The following ZNF469 variants were observed in gnomAD, a reference collection of about 807,000 sequenced individuals.
ZNF469 encodes the protein zinc finger protein 469.
Under a neutral mutation model 1.0 loss-of-function variants are expected in ZNF469, and 1 was observed. That is an observed-to-expected ratio of 1.00 (90% CI 0.35 to 4.73). The LOEUF (loss-of-function observed/expected upper bound fraction) is 4.73, where lower values mean the gene tolerates loss of function less well. Among genes scored for constraint, ZNF469 ranks in the 30% most tolerant of loss-of-function variants. ZNF469 has a pLI of 0.16. For missense variants in ZNF469, 6,100 were observed against 5,356.3 expected (o/e 1.14, Z -4.33); for synonymous variants, 2,703 against 2,363.4 (o/e 1.14, Z -4.17).
the ZNF469 span, among the ~76,000 whole-genome samples, chr16:88,133,042 G>A: frequency 9.8e-5 from 15 of 152,316 alleles, 1 homozygote; most frequent in Admixed American, 8.5e-4. Flanking sequence ...CCCATGGGAG[G>A]GTCACCACAC....
At chr16:88,295,661 A>G in the ZNF469 span, among the ~76,000 whole-genome samples, 36 of 152,102 alleles carry the variant, frequency 2.4e-4, no homozygotes, top group African/African-American at 7.2e-4. Context: ...TACGGCCTAC[A>G]CTCGGTGCAC....
the ZNF469 span, among the ~76,000 whole-genome samples, chr16:88,160,659 T>A: frequency 1.3e-5 from 2 of 152,064 alleles, no homozygotes; most frequent in African/African-American, 4.8e-5. Flanking sequence ...GAACAAGGGG[T>A]TGGGGCACCA....
At position 88,438,283 on chromosome 16, in the gene ZNF469, G is replaced by A; in HGVS notation, c.10813G>A (p.Gly3605Arg). The change falls in exon 3 of 3, where the codon GGA (glycine) becomes AGA (arginine). Residue 3605 changes from glycine (G) to arginine (R), a missense_variant. Coordinates refer to ENST00000565624, the MANE Select transcript of ZNF469 (RefSeq NM_001367624.2). ...TCTGGGGGCATCTCTGCCGCGGCCG[G>A]GAGCCAGAGGCCAAGATGCGGAGGG... ...LPLGASLPRP[G>R]ARGQDAEGKR... 1.3e-6 allele frequency: 2 copies of A among 1,548,278 alleles called. No homozygotes were observed. The highest frequency in any genetic ancestry group is 1.7e-6 in the Non-Finnish European group (2 of 1,145,388).
chr16:88,165,009 C>T, the ZNF469 span, among the ~76,000 whole-genome samples: 1 of 152,300 alleles, frequency 6.6e-6, no homozygotes, highest in Non-Finnish European at 1.5e-5. Context: ...GTCTTTTATC[C>T]CCCCACAGGT....
At chr16:88,382,434 G>C (rs2092527606), upstream of ZNF469, among the ~76,000 whole-genome samples, 1 of 152,254 alleles carries the variant, frequency 6.6e-6, no homozygotes, top group African/African-American at 2.4e-5. Context: ...CCCAGGGCTG[G>C]ACAAGGGACC....
chr16:88,405,397 C>T (rs186041385), intron 1 of ZNF469, among the ~76,000 whole-genome samples: 27 of 152,314 alleles, frequency 1.8e-4, no homozygotes, highest in African/African-American at 6.0e-4. Flanking sequence ...CACATGGGCC[C>T]GTGGTGCCTC....
chr16:88,279,694 G>A, the ZNF469 span, among the ~76,000 whole-genome samples: 5 of 141,222 alleles, frequency 3.5e-5, no homozygotes, highest in Non-Finnish European at 4.6e-5. Context: ...ACTGACACTC[G>A]GTCAGTACCT....
the ZNF469 span, chr16:88,234,818 G>A: frequency 3.9e-5 from 6 of 152,246 alleles, no homozygotes; most frequent in Admixed American, 2.6e-4. Context: ...GTTCCCATCA[G>A]ATAAAGCCTG....
chr16:88,321,344 G>C, the ZNF469 span, among the ~76,000 whole-genome samples: 1 of 152,260 alleles, frequency 6.6e-6, no homozygotes, highest in Non-Finnish European at 1.5e-5. Context: ...GTAAGGCCTT[G>C]CCTGATTGGA....
At chr16:88,320,985 C>CATT in the ZNF469 span, among the ~76,000 whole-genome samples, 1 of 152,190 alleles carries the variant, frequency 6.6e-6, no homozygotes, top group African/African-American at 2.4e-5. Context: ...GATGAACAGG[C>CATT]GAATGAGACA....
chr16:88,348,275 A>G, the ZNF469 span, among the ~76,000 whole-genome samples: 1 of 151,914 alleles, frequency 6.6e-6, no homozygotes, highest in African/African-American at 2.4e-5. Context: ...TTGTGGCCAC[A>G]TTGCTGCTGT....
chr16:88,333,733 C>T, the ZNF469 span, among the ~76,000 whole-genome samples: 3 of 133,090 alleles, frequency 2.3e-5, no homozygotes, highest in Admixed American at 8.1e-5. Flanking sequence ...TGCGGGCCCG[C>T]GAGGTGGGGC....
chr16:88,343,242 C>G, the ZNF469 span, among the ~76,000 whole-genome samples: 3 of 152,152 alleles, frequency 2.0e-5, no homozygotes, highest in Non-Finnish European at 2.9e-5. Flanking sequence ...GAGATGGCAT[C>G]CGGTGACAAA....
chr16:88,288,183 C>T, the ZNF469 span, among the ~76,000 whole-genome samples: 1 of 152,096 alleles, frequency 6.6e-6, no homozygotes, highest in African/African-American at 2.4e-5. Flanking sequence ...AGTATCTGTA[C>T]CTTGCTCTTG....
the ZNF469 span, among the ~76,000 whole-genome samples, chr16:88,135,408 G>C: frequency 6.6e-6 from 1 of 152,350 alleles, no homozygotes; most frequent in African/African-American, 2.4e-5. Context: ...GACACCGCCA[G>C]ATGGGGCTGA....
Position 88,435,813 on chromosome 16 carries a change from C to T in ZNF469, c.8343C>T (p.Ala2781=). 2.6e-6 allele frequency: 4 copies of T among 1,550,522 alleles called. No homozygotes were observed. The highest frequency in any genetic ancestry group is 3.5e-6 in the Non-Finnish European group (4 of 1,146,934). ...GSEPAEDSSR[A]HSRSEEGVWE... ...AGCCTGCGGAGGACAGCAGCAGGGC[C>T]CACAGCCGATCAGAGGAAGGTGTCT... The change falls in exon 3 of 3, where the codon GCC becomes GCT. Residue 2781 remains alanine (A), a synonymous_variant. Transcript: ENST00000565624.
At chr16:88,209,566 T>C in the ZNF469 span, among the ~76,000 whole-genome samples, 98,164 of 152,064 alleles carry the variant, frequency 0.65, 32,526 homozygotes, top group East Asian at 0.76. Context: ...GCTGGGATTA[T>C]AGGTGTGAGC....
the ZNF469 span, among the ~76,000 whole-genome samples, chr16:88,170,237 T>C: frequency 1.3e-5 from 2 of 152,356 alleles, no homozygotes; most frequent in African/African-American, 2.4e-5. This position sits in a 1 kb window ranked among gnomAD's most constrained non-coding sequence, Gnocchi z 4.2. Context: ...TGCCGAATGA[T>C]TACCACAATC....
Position 88,429,303 on chromosome 16 carries a change from G to A in ZNF469, c.1833G>A (p.Met611Ile). 1 of 1,549,912 alleles carries A rather than the reference G, an allele frequency of 6.5e-7. No individual in the cohort carries two copies. Among genetic ancestry groups the A allele is most frequent in the South Asian group, 1.2e-5 (1 of 84,056 alleles). Reference sequence around the variant, plus strand: ...GCACCTGCTCTTCCCTGTCGCCGATGTCCAGCAGCCCAGCCAACCCCAGCT... The same window carrying A: ...GCACCTGCTCTTCCCTGTCGCCGATATCCAGCAGCCCAGCCAACCCCAGCT... ...AGSTCSSLSP[M>I]SSSPANPSSE... The change falls in exon 3 of 3, where the codon ATG becomes ATA. Residue 611 changes from methionine (M) to isoleucine (I), a missense_variant. Coordinates refer to ENST00000565624, the MANE Select transcript of ZNF469 (RefSeq NM_001367624.2).
Sources: gnomAD v4.1 joint callset for allele counts (sites outside exome capture counted in the v4.1 genomes callset) on GRCh38, gnomAD v4.1.1 for gene constraint, Gnocchi (gnomAD v3.1) non-coding constraint, MANE v1.5 for transcripts, NCBI Gene and HGNC (gene_info 2026-07-23, HGNC 2026-07-21) for gene names.